NUDCD1: variants seen among roughly 807,000 people sequenced by gnomAD.
The protein encoded by NUDCD1 is nudC domain-containing protein 1.
NUDCD1 carries 60 observed loss-of-function variants against 67.8 expected under a neutral mutation model. The ratio of observed to expected loss-of-function variants is 0.88; its 90% CI spans 0.72 to 1.10. NUDCD1 has a LOEUF of 1.10. Among genes scored for constraint, NUDCD1 ranks in the 50% least tolerant of loss-of-function variants. The probability of loss-of-function intolerance (pLI) is 0.00; values close to 1 mark genes in which losing one functional copy is unlikely to be tolerated. For synonymous variants in NUDCD1, 244 were observed against 230.8 expected (o/e 1.06, Z -0.52); for missense variants, 643 against 695.0 (o/e 0.93, Z 0.84).
chr8:109,318,316 T>C (rs367640075), intron 2 of NUDCD1, among the ~76,000 whole-genome samples: 13 of 152,338 alleles, frequency 8.5e-5, no homozygotes, highest in African/African-American at 3.1e-4. Flanking sequence ...AGAAAATTGG[T>C]AGAATAAATG....
At chr8:109,333,791 C>T (rs930634457) in intron 1 of NUDCD1, 102 bp downstream of exon 1, 1 of 1,295,740 alleles carries the variant, frequency 7.7e-7, no homozygotes. Context: ...GCCACGGTGG[C>T]TTCGCTTGCC....
chr8:109,254,133 T>C (rs554159273), intron 8 of NUDCD1, among the ~76,000 whole-genome samples: 2 of 152,254 alleles, frequency 1.3e-5, no homozygotes, highest in African/African-American at 4.8e-5. Context: ...GTACATGCAC[T>C]GCCAGAGGTG....
intron 2 of NUDCD1, among the ~76,000 whole-genome samples, chr8:109,308,768 G>A (rs1006021910): frequency 1.3e-5 from 2 of 151,944 alleles, no homozygotes; most frequent in African/African-American, 2.4e-5. Context: ...TCAGGAGATC[G>A]AGACCATCCT....
rs142563201 is a variant in NUDCD1 at position 109,316,770 on chromosome 8, G to A, written c.273+5539C>T. Reference sequence around the variant, plus strand: ...TGGACCACAAGCAAAACCACCTGAGGTGCTTGATAAAATGCAGGTTCCCAG... The same window carrying A: ...TGGACCACAAGCAAAACCACCTGAGATGCTTGATAAAATGCAGGTTCCCAG... On this transcript the variant is annotated intron_variant, in intron 2 of 9. Transcript: ENST00000239690. 2.0e-3 allele frequency among the ~76,000 whole-genome samples: 303 copies of A among 152,292 alleles called. 5 individuals carry two copies. The East Asian group carries it at 0.052, about 26-fold the overall frequency.
chr8:109,327,788 T>C (rs184078722), intron 1 of NUDCD1, among the ~76,000 whole-genome samples: 56 of 152,296 alleles, frequency 3.7e-4, no homozygotes, highest in Non-Finnish European at 6.9e-4. Context: ...TTACATATGC[T>C]GAAACTTCCC....
chr8:109,245,829 G>T (rs1474027123), intron 8 of NUDCD1, among the ~76,000 whole-genome samples: 1 of 152,202 alleles, frequency 6.6e-6, no homozygotes, highest in East Asian at 1.9e-4. Flanking sequence ...ATAAAGCAGG[G>T]GTCCCCAGTC....
chr8:109,305,297 T>A (rs1815078002), intron 2 of NUDCD1, among the ~76,000 whole-genome samples: 1 of 152,136 alleles, frequency 6.6e-6, no homozygotes, highest in Non-Finnish European at 1.5e-5. Context: ...AAGGCCACTG[T>A]GGTCATTTCT....
intron 1 of NUDCD1, chr8:109,329,815 C>T: frequency 6.4e-7 from 1 of 1,550,776 alleles, no homozygotes; most frequent in Non-Finnish European, 8.7e-7. Context: ...CAGGCATGCT[C>T]CAACCCTGGA....
chr8:109,267,133 T>A (rs1371179591), intron 8 of NUDCD1, among the ~76,000 whole-genome samples: 2 of 152,220 alleles, frequency 1.3e-5, no homozygotes. Context: ...TTATAATTTT[T>A]AAATTTTATG....
chr8:109,282,703 G>C (rs1305615701), intron 5 of NUDCD1, among the ~76,000 whole-genome samples: 1 of 151,846 alleles, frequency 6.6e-6, no homozygotes, highest in Non-Finnish European at 1.5e-5. Flanking sequence ...GCTAGGGGAG[G>C]GATAGCATTA....
chr8:109,251,089 G>A (rs1188120381), intron 8 of NUDCD1, among the ~76,000 whole-genome samples: 2 of 151,904 alleles, frequency 1.3e-5, no homozygotes, highest in Non-Finnish European at 2.9e-5. Flanking sequence ...TCTGCGGCTG[G>A]AGATTTCTTT....
chr8:109,256,382 G>C (rs570904151), intron 8 of NUDCD1, among the ~76,000 whole-genome samples: 14 of 152,126 alleles, frequency 9.2e-5, no homozygotes, highest in Non-Finnish European at 1.5e-4. Context: ...AAGAATATTA[G>C]AGTACATCTC....
At chr8:109,286,024 T>A (rs1403323140) in intron 5 of NUDCD1, among the ~76,000 whole-genome samples, 1 of 151,756 alleles carries the variant, frequency 6.6e-6, no homozygotes, top group Non-Finnish European at 1.5e-5. Flanking sequence ...GAGAGCCAAA[T>A]CAAGAACACA....
intron 8 of NUDCD1, among the ~76,000 whole-genome samples, chr8:109,251,304 C>T (rs377036660): frequency 1.3e-5 from 2 of 151,502 alleles, no homozygotes; most frequent in South Asian, 2.1e-4. Flanking sequence ...TCTCGAGTAG[C>T]GGGGATTACA....
At chr8:109,262,618 A>T (rs1362400084) in intron 8 of NUDCD1, among the ~76,000 whole-genome samples, 1 of 152,172 alleles carries the variant, frequency 6.6e-6, no homozygotes, top group Non-Finnish European at 1.5e-5. Context: ...TTTGGCAAAC[A>T]TTCTTCCAAA....
Position 109,297,303 on chromosome 8 carries a change from T to C in NUDCD1, c.274-734A>G, listed in dbSNP as rs1320364312. On this transcript the variant is annotated intron_variant, in intron 2 of 9. Transcript: ENST00000239690. ...CACTACATTTAGCCTACTATGAATC[T>C]AGGTTTTTGTTAACAAATTTTAATT... Among the ~76,000 whole-genome samples, 3 of 152,352 alleles carry C rather than the reference T, an allele frequency of 2.0e-5. No homozygotes were observed. The South Asian group carries it at 6.2e-4, about 32-fold the overall frequency.
chr8:109,305,889 T>A (rs1057233740), intron 2 of NUDCD1, among the ~76,000 whole-genome samples: 1 of 152,146 alleles, frequency 6.6e-6, no homozygotes, highest in African/African-American at 2.4e-5. Context: ...CTCCTGGAAG[T>A]CGCAAGTACT....
In NUDCD1 at chr8:109,333,993, A is replaced by G. The variant is rs765323760; in HGVS notation, c.18T>C (p.Asn6=). The G allele has an allele frequency of 8.1e-6, 13 of 1,614,076 alleles. 1 individual carries two copies. In the South Asian group the frequency reaches 1.3e-4, roughly 16 times the overall value. Residue 6 remains asparagine, a synonymous_variant, in exon 1 of 10, where the codon AAT becomes AAC. Coordinates refer to ENST00000239690, the MANE Select transcript of NUDCD1 (RefSeq NM_032869.4). MEVAA[N]CSLRVKRPLL... is the part of the protein sequence containing the mutation. ...GAGGTCTCTTCACCCGTAGGGAGCA[A>G]TTAGCCGCCACCTCCATCGCTTTCC...
intron 1 of NUDCD1, among the ~76,000 whole-genome samples, chr8:109,323,903 A>C (rs1443316685): frequency 6.6e-6 from 1 of 152,156 alleles, no homozygotes; most frequent in South Asian, 2.1e-4. Context: ...TTAGACTCCT[A>C]TCTCTCATCA....
Sources: gnomAD v4.1 joint callset for allele counts (sites outside exome capture counted in the v4.1 genomes callset) on GRCh38, gnomAD v4.1.1 for gene constraint, MANE v1.5 for transcripts, NCBI Gene and HGNC (gene_info 2026-07-23, HGNC 2026-07-21) for gene names.